FBN1: variants seen among roughly 807,000 people sequenced by gnomAD.
FBN1 encodes the protein fibrillin 1, also known as fibrillin-1.
A neutral mutation model predicts 365.1 loss-of-function variants in FBN1; 29 were observed. The ratio of observed to expected loss-of-function variants is 0.08; its 90% CI spans 0.06 to 0.11. The LOEUF (loss-of-function observed/expected upper bound fraction) is 0.11. Among genes scored for constraint, FBN1 ranks in the 10% least tolerant of loss-of-function variants. FBN1 has a pLI of 1.00. For synonymous variants in FBN1, 1,210 were observed against 1,270.5 expected, an observed-to-expected ratio of 0.95 and a Z score of 1.01; for missense variants, 2,476 against 3,703.2, an observed-to-expected ratio of 0.67 and a Z score of 8.60.
chr15:48,552,422 G>C (rs991553117), intron 6 of FBN1, among the ~76,000 whole-genome samples: 3 of 151,792 alleles, frequency 2.0e-5, no homozygotes, highest in African/African-American at 7.3e-5. Flanking sequence ...ACAGGCACAT[G>C]TCACCATGCC....
intron 4 of FBN1, among the ~76,000 whole-genome samples, chr15:48,603,230 G>GCA (rs2044580555): frequency 6.6e-6 from 1 of 152,154 alleles, no homozygotes; most frequent in Non-Finnish European, 1.5e-5. Flanking sequence ...AAAAATAAAA[G>GCA]CACTCATTCA....
intron 3 of FBN1, 105 bp from the exon 4 acceptor site, chr15:48,610,931 A>C (rs896381313): frequency 1.3e-5 from 11 of 828,970 alleles, no homozygotes; most frequent in Non-Finnish European, 1.8e-5. Flanking sequence ...TCCCTCACAA[A>C]CTTTGCTATC....
At chr15:48,450,021 T>C (rs753718327) in intron 45 of FBN1, among the ~76,000 whole-genome samples, 1 of 152,154 alleles carries the variant, frequency 6.6e-6, no homozygotes, top group Non-Finnish European at 1.5e-5. Flanking sequence ...GTGGAGTATA[T>C]CATTATGAGG....
At position 48,515,228 on chromosome 15, in the gene FBN1, T is replaced by C. The variant is rs568306844; in HGVS notation, c.1468+159A>G. Among the ~76,000 whole-genome samples the C allele has an allele frequency of 3.3e-5, 5 of 152,352 alleles. No homozygotes were observed. In the South Asian group the frequency reaches 1.0e-3, roughly 32 times the overall value. On this transcript the variant is annotated intron_variant, in intron 12 of 65. Coordinates refer to ENST00000316623, the MANE Select transcript of FBN1 (RefSeq NM_000138.5). ...GGATGTTAGCCCAGTAAGACTTCTG[T>C]TGGACTACTAACCTACAGAGCTGAA...
rs1199955058 is a variant in FBN1, at chr15:48,525,389, C to A, written c.988+741G>T. Among the ~76,000 whole-genome samples the A allele has an allele frequency of 2.6e-5, 4 of 152,254 alleles. No individual in the cohort carries two copies. The South Asian group carries it at 8.3e-4, about 32-fold the overall frequency. ...TAGAGGTGTGAGCTACTGCGCCCAG[C>A]CAAATCTATTTTTTAAACAATAGAA... On this transcript the variant is annotated intron_variant, in intron 9 of 65. Coordinates refer to ENST00000316623, the MANE Select transcript of FBN1 (RefSeq NM_000138.5).
chr15:48,574,003 C>T (rs1054324197), intron 6 of FBN1, among the ~76,000 whole-genome samples: 8 of 152,196 alleles, frequency 5.3e-5, no homozygotes, highest in East Asian at 3.9e-4. Flanking sequence ...TTGTCCCGAC[C>T]GCACGGGTCC....
intron 6 of FBN1, among the ~76,000 whole-genome samples, chr15:48,576,385 T>C (rs1003431539): frequency 2.0e-5 from 3 of 152,152 alleles, no homozygotes; most frequent in Admixed American, 2.0e-4. Context: ...TAAATGTTTT[T>C]TTCCCCCTCT....
At chr15:48,593,790 C>T (rs894058774) in intron 6 of FBN1, among the ~76,000 whole-genome samples, 3 of 152,002 alleles carry the variant, frequency 2.0e-5, no homozygotes, top group African/African-American at 7.2e-5. Context: ...TGTTTTGATG[C>T]AATGCAGTAA....
chr15:48,474,757 T>G, intron 32 of FBN1, 107 bp from the exon 33 acceptor site: 1 of 1,406,970 alleles, frequency 7.1e-7, no homozygotes, highest in Non-Finnish European at 9.9e-7. Context: ...TCCCATGGTA[T>G]AGTATAGACT....
In FBN1 at chr15:48,492,570, T is replaced by C. The variant is rs1285398012; in HGVS notation, c.2745A>G (p.Glu915=). The C allele has an allele frequency of 4.4e-6, 7 of 1,605,262 alleles. No individual in the cohort carries two copies. The African/African-American group carries it at 6.7e-5, about 15-fold the overall frequency. Reference sequence around the variant, plus strand: ...CATTTTTACACACTCCTGGGAACACTTCACATTCATCTATATCTAAAAAGA... The same window carrying C: ...CATTTTTACACACTCCTGGGAACACCTCACATTCATCTATATCTAAAAAGA... The part of the protein sequence containing the change: ...GTQCEDIDEC[E]VFPGVCKNGL... The change falls in exon 24 of 66, where the codon GAA becomes GAG. Residue 915 remains glutamate, a synonymous_variant. Coordinates refer to ENST00000316623, the MANE Select transcript of FBN1 (RefSeq NM_000138.5).
At chr15:48,512,253 G>T (rs1030227846) in intron 13 of FBN1, among the ~76,000 whole-genome samples, 2 of 152,146 alleles carry the variant, frequency 1.3e-5, no homozygotes, top group African/African-American at 4.8e-5. Context: ...TGCTAAAAGA[G>T]GCAAATAAGA....
intron 18 of FBN1, among the ~76,000 whole-genome samples, chr15:48,498,385 A>G (rs2043625862): frequency 1.3e-5 from 2 of 152,158 alleles, no homozygotes; most frequent in South Asian, 4.1e-4. Flanking sequence ...GAATCAAACT[A>G]TGTAGCTTTA....
At position 48,509,905 on chromosome 15, in the gene FBN1, A is replaced by G. The variant is rs2043744387; in HGVS notation, c.1714+139T>C. On this transcript the variant is annotated intron_variant, in intron 14 of 65. Coordinates refer to ENST00000316623, the MANE Select transcript of FBN1 (RefSeq NM_000138.5). ...AATTAAGAAATGAATATCATGGAAA[A>G]TTAGGCTTCCTTTTGAGATAAAATA... The G allele has an allele frequency of 8.9e-6, 8 of 901,548 alleles. No homozygotes were observed. In the South Asian group the frequency reaches 1.3e-4, roughly 14 times the overall value. The allele number at this position is 901,548 out of a possible 1,614,324, so 55.8% of individuals were successfully genotyped here.
At chr15:48,469,083 T>A (rs867841154) in intron 36 of FBN1, among the ~76,000 whole-genome samples, 61 of 118,762 alleles carry the variant, frequency 5.1e-4, no homozygotes, top group Non-Finnish European at 9.0e-4. Context: ...AAAAAAAATA[T>A]ATATATATAT....
At chr15:48,564,670 C>T (rs1389613722) in intron 6 of FBN1, among the ~76,000 whole-genome samples, 2 of 152,142 alleles carry the variant, frequency 1.3e-5, no homozygotes, top group African/African-American at 4.8e-5. Context: ...CCTAGTTTCT[C>T]ACTATCCTTC....
At chr15:48,427,938 T>A in intron 57 of FBN1, 165 bp from the exon 58 acceptor site, 1 of 719,904 alleles carries the variant, frequency 1.4e-6, no homozygotes, top group Non-Finnish European at 2.5e-6. Flanking sequence ...AGAGAAAGGA[T>A]GACGTCTGAG....
intron 2 of FBN1, among the ~76,000 whole-genome samples, chr15:48,620,434 A>G (rs1290542520): frequency 6.6e-6 from 1 of 152,172 alleles, no homozygotes; most frequent in Non-Finnish European, 1.5e-5. Context: ...TACTTTTATC[A>G]TTACTGTTGC....
Position 48,473,807 on chromosome 15 carries a change from C to CA in FBN1, c.4210+447dup, listed in dbSNP as rs987286846. ...AAGGAAGTCATTGGTGAGAAATAGG[C>CA]AAAAAAAAAATAATAATAAATAAAG... On this transcript the variant is annotated intron_variant, in intron 34 of 65. Coordinates refer to ENST00000316623, the MANE Select transcript of FBN1 (RefSeq NM_000138.5). Among the ~76,000 whole-genome samples, 1,240 of 141,092 alleles carry CA rather than the reference C, an allele frequency of 8.8e-3. 16 individuals are homozygous for CA. Among genetic ancestry groups the CA allele is most frequent in the African/African-American group, 0.029 (1,103 of 38,448 alleles). The allele number at this position is 141,092 out of a possible 152,430, so 92.6% of individuals were successfully genotyped here.
chr15:48,509,607 A>G (rs7169657), intron 14 of FBN1, among the ~76,000 whole-genome samples: 24,043 of 144,664 alleles, frequency 0.17, 2,886 homozygotes, highest in African/African-American at 0.35. Context: ...AATATACATA[A>G]CATGTATTTT....
Sources: allele counts gnomAD v4.1 joint callset (sites outside exome capture counted in the v4.1 genomes callset), GRCh38; gene constraint gnomAD v4.1.1; transcripts MANE v1.5; gene names NCBI Gene and HGNC (gene_info 2026-07-23, HGNC 2026-07-21).